Variants in DOCK8 observed in about 807,000 individuals in gnomAD.
DOCK8 encodes the protein dedicator of cytokinesis 8.
DOCK8 carries 141 observed loss-of-function variants against 245.6 expected under a neutral mutation model. The ratio of observed to expected loss-of-function variants is 0.57; its 90% CI spans 0.50 to 0.66. The LOEUF (loss-of-function observed/expected upper bound fraction) is 0.66, where lower values mean the gene tolerates loss of function less well. DOCK8 is among the 30% of genes least tolerant of loss of function. DOCK8 has a pLI of 0.00. For synonymous variants in DOCK8, 1,168 were observed against 970.2 expected (o/e 1.20, Z -3.79); for missense variants, 2,965 against 2,603.4 (o/e 1.14, Z -3.02).
At chr9:400,043 C>G (rs1287099204) in intron 26 of DOCK8, among the ~76,000 whole-genome samples, 1 of 124,162 alleles carries the variant, frequency 8.1e-6, no homozygotes, top group Admixed American at 7.8e-5. Context: ...ACCACCACCA[C>G]CTCCACCATC....
intron 1 of DOCK8, among the ~76,000 whole-genome samples, chr9:242,810 GTT>G (rs34167682): frequency 0.019 from 2,631 of 140,928 alleles, 42 homozygotes; most frequent in South Asian, 0.056. Flanking sequence ...TGTTGAGCTT[GTT>G]TTTTTTTTTT....
intron 1 of DOCK8, among the ~76,000 whole-genome samples, chr9:248,377 T>G (rs146375269): frequency 7.3e-4 from 111 of 152,326 alleles, no homozygotes; most frequent in African/African-American, 2.6e-3. Flanking sequence ...TTCCTTGCTT[T>G]CAAAGGAACA....
Position 328,137 on chromosome 9 carries a change from C to G in DOCK8, c.1010C>G (p.Thr337Ser), listed in dbSNP as rs747864013. 1.2e-6 allele frequency: 2 copies of G among 1,614,064 alleles called. No individual in the cohort carries two copies. The highest frequency in any genetic ancestry group is 1.3e-5 in the African/African-American group (1 of 74,934). ...SQARSAVFSV[T>S]YPSSDIYLVV... ...GCGAGATCTGCAGTCTTCTCAGTCA[C>G]CTACCCGTCCTCAGACATCTACCTG... The change falls in exon 9 of 48, where the codon ACC becomes AGC. Residue 337 changes from threonine to serine, a missense_variant. By Grantham distance (58) the Thr-to-Ser change is moderately conservative. Around this residue, in one of 3 missense-constraint regions of DOCK8, gnomAD observed 2,825 missense variants for 2,453.5 expected, o/e 1.15. Coordinates refer to ENST00000432829, the MANE Select transcript of DOCK8 (RefSeq NM_203447.4).
intron 11 of DOCK8, among the ~76,000 whole-genome samples, chr9:336,313 CG>C (rs1173868465): frequency 1.3e-5 from 2 of 152,188 alleles, no homozygotes; most frequent in Non-Finnish European, 2.9e-5. Context: ...GGACTCTTGC[CG>C]GGTGGCATTT....
At chr9:211,480 G>C (rs893851328), upstream of DOCK8, among the ~76,000 whole-genome samples, 9 of 152,124 alleles carry the variant, frequency 5.9e-5, no homozygotes, top group African/African-American at 2.2e-4. Flanking sequence ...AAACAGATGA[G>C]ATAGGAGAAA....
chr9:325,392 C>A (rs144045000), intron 7 of DOCK8, among the ~76,000 whole-genome samples: 2 of 152,192 alleles, frequency 1.3e-5, no homozygotes, highest in African/African-American at 4.8e-5. Flanking sequence ...CCATTCAGCC[C>A]ACTCTCTCTT....
Position 346,398 on chromosome 9 carries a change from A to C in DOCK8, c.1679+6077A>C, listed in dbSNP as rs192305001. Among the ~76,000 whole-genome samples the C allele has an allele frequency of 1.1e-3, 165 of 152,342 alleles. 1 individual carries two copies. The highest frequency in any genetic ancestry group is 5.1e-4 in the Non-Finnish European group (35 of 68,042). On this transcript the variant is annotated intron_variant, in intron 14 of 47. Transcript: ENST00000432829. ...CCAGCAAGGTCTTCAAGGGCATCCT[A>C]TCCTGCGGCCGCCAGAGGGGTATGT...
chr9:371,513 A>C lies in DOCK8; in HGVS notation c.1954A>C (p.Ile652Leu), dbSNP rs1381340726. 6.2e-7 allele frequency: 1 copy of C among 1,614,200 alleles called. No homozygotes were observed. Among genetic ancestry groups the C allele is most frequent in the South Asian group, 1.1e-5 (1 of 91,092 alleles). The change falls in exon 17 of 48, where the codon ATC (isoleucine) becomes CTC (leucine). Residue 652 changes from isoleucine to leucine, a missense_variant. Around this residue, in one of 3 missense-constraint regions of DOCK8, gnomAD observed 2,825 missense variants for 2,453.5 expected, o/e 1.15. Coordinates refer to ENST00000432829, the MANE Select transcript of DOCK8 (RefSeq NM_203447.4). The part of the protein sequence containing the change: ...NHHLLFTFYH[I>L]SCQQKQGASV... ...CCACCTCCTGTTCACCTTCTACCAT[A>C]TCAGCTGTCAGCAGAAGCAAGGAGC...
intron 26 of DOCK8, among the ~76,000 whole-genome samples, chr9:399,624 A>G (rs564830063): frequency 5.3e-5 from 8 of 152,210 alleles, no homozygotes; most frequent in African/African-American, 1.2e-4. Flanking sequence ...CTCTTTTCAC[A>G]TATTAGGGTA....
In DOCK8 at chr9:289,571, G is replaced by A. The variant is rs375178634; in HGVS notation, c.394G>A (p.Val132Met). ...GACCTACATCCGTGAGTGGCTAATC[G>A]TGAACCGGAAGTAAGTTACTTTTTT... ...VQTYIREWLI[V>M]NRKNQGSPEI... is the part of the protein sequence containing the mutation. The change falls in exon 4 of 48, where the codon GTG (valine) becomes ATG (methionine). Residue 132 changes from valine to methionine, a missense_variant. Around this residue, in one of 3 missense-constraint regions of DOCK8, gnomAD observed 2,825 missense variants for 2,453.5 expected, o/e 1.15. Transcript: ENST00000432829. 5 of 1,610,898 alleles carry A rather than the reference G, an allele frequency of 3.1e-6. No homozygotes were observed. Among genetic ancestry groups the A allele is most frequent in the Middle Eastern group, 1.7e-4 (1 of 5,980 alleles).
chr9:354,912 C>T (rs1273456712), intron 14 of DOCK8, among the ~76,000 whole-genome samples: 5 of 152,172 alleles, frequency 3.3e-5, no homozygotes, highest in South Asian at 4.1e-4. Flanking sequence ...TTTTGACAAA[C>T]GTCGTATTGA....
chr9:248,571 T>C (rs28703266), intron 1 of DOCK8, among the ~76,000 whole-genome samples: 1 of 99,948 alleles, frequency 1.0e-5, no homozygotes. Context: ...CTTTCTTTCT[T>C]TCTCTCTCTC....
rs528841074 is a variant in DOCK8 at position 387,854 on chromosome 9, T to C, written c.2874+1428T>C. ...TTATTTGCCTACAGCCTGACTTCTT[T>C]AACCCATGTCCTGTTTGGTTTCGCA... On this transcript the variant is annotated intron_variant, in intron 23 of 47. Coordinates refer to ENST00000432829, the MANE Select transcript of DOCK8 (RefSeq NM_203447.4). 3.3e-5 allele frequency among the ~76,000 whole-genome samples: 5 copies of C among 152,384 alleles called. No homozygotes were observed. The South Asian group carries it at 1.0e-3, about 32-fold the overall frequency.
At chr9:400,385 C>T (rs1426987313) in intron 26 of DOCK8, among the ~76,000 whole-genome samples, 1 of 85,286 alleles carries the variant, frequency 1.2e-5, no homozygotes. Flanking sequence ...TTCACCATCA[C>T]CATCACCACC....
rs1351919628 is a variant in DOCK8, at chr9:425,485, TTGCGC to T, written c.4242-1399_4242-1395del. Among the ~76,000 whole-genome samples, 438 of 147,634 alleles carry T rather than the reference TTGCGC, an allele frequency of 3.0e-3. 4 individuals carry two copies. Among genetic ancestry groups the T allele is most frequent in the African/African-American group, 0.01 (403 of 38,426 alleles). On this transcript the variant is annotated intron_variant, in intron 33 of 47. Coordinates refer to ENST00000432829, the MANE Select transcript of DOCK8 (RefSeq NM_203447.4). ...AAGTGGAGCTTGCGGTGAGCCAAGA[TTGCGC>T]CACTGCACTCTGCACTCCAGCCTGG...
intron 4 of DOCK8, among the ~76,000 whole-genome samples, chr9:291,420 T>C (rs1411516280): frequency 6.6e-6 from 1 of 152,202 alleles, no homozygotes; most frequent in Non-Finnish European, 1.5e-5. Flanking sequence ...TTGAATAGTG[T>C]TGGGTTTTTT....
chr9:419,168 G>T (rs147010643), intron 30 of DOCK8, among the ~76,000 whole-genome samples: 5 of 152,346 alleles, frequency 3.3e-5, no homozygotes, highest in African/African-American at 1.2e-4. Context: ...GGGTATAGAT[G>T]TGCAGAGAAT....
intron 7 of DOCK8, among the ~76,000 whole-genome samples, chr9:322,717 C>G (rs2050570016): frequency 6.6e-6 from 1 of 152,200 alleles, no homozygotes; most frequent in African/African-American, 2.4e-5. Context: ...CAGCAATATT[C>G]AGGCCCTTTG....
intron 18 of DOCK8, among the ~76,000 whole-genome samples, chr9:374,769 T>G (rs1255236623): frequency 6.6e-6 from 1 of 151,886 alleles, no homozygotes; most frequent in Admixed American, 6.6e-5. Context: ...CCCGGCCCCT[T>G]TTTACTTTTT....
Sources: allele counts gnomAD v4.1 joint callset (sites outside exome capture counted in the v4.1 genomes callset), GRCh38; gene constraint gnomAD v4.1.1; regional missense constraint gnomAD v4.1.1; transcripts MANE v1.5; gene names NCBI Gene and HGNC (gene_info 2026-07-23, HGNC 2026-07-21).